SH3KBP1: variants seen among roughly 807,000 people sequenced by gnomAD.
SH3KBP1 encodes the protein SH3 domain-containing kinase-binding protein 1.
Under a neutral mutation model 50.1 loss-of-function variants are expected in SH3KBP1, and 8 were observed. That is an observed-to-expected ratio of 0.16 (90% confidence interval 0.09 to 0.29). The LOEUF (loss-of-function observed/expected upper bound fraction) is 0.29. Among genes scored for constraint, SH3KBP1 ranks in the 10% least tolerant of loss-of-function variants. The pLI is 1.00. For synonymous variants in SH3KBP1, 227 were observed against 218.6 expected, an observed-to-expected ratio of 1.04 and a Z score of -0.34; for missense variants, 377 against 535.2, an observed-to-expected ratio of 0.70 and a Z score of 2.92.
chrX:19,705,192 G>T (rs1211873181), intron 4 of SH3KBP1, among the ~76,000 whole-genome samples: 2 of 111,939 alleles, frequency 1.8e-5, no homozygotes, highest in Non-Finnish European at 3.8e-5. Flanking sequence ...TTCTCCGTCT[G>T]GGATCTGTGT....
chrX:19,826,208 C>G (rs1184309855), intron 2 of SH3KBP1, among the ~76,000 whole-genome samples: 1 of 112,019 alleles, frequency 8.9e-6, no homozygotes, highest in Non-Finnish European at 1.9e-5. Flanking sequence ...ACAGAATTCC[C>G]AAAGGCAGGT....
intron 3 of SH3KBP1, among the ~76,000 whole-genome samples, chrX:19,739,724 G>A (rs1480741773): frequency 1.8e-5 from 2 of 111,112 alleles, no homozygotes; most frequent in Non-Finnish European, 3.8e-5. Flanking sequence ...GTGAGAAGCC[G>A]TGGGTCTGGG....
At chrX:19,741,626 AGTG>A (rs1375945650) in intron 3 of SH3KBP1, among the ~76,000 whole-genome samples, 1 of 112,163 alleles carries the variant, frequency 8.9e-6, no homozygotes, top group East Asian at 2.8e-4. Context: ...AAACCCACGG[AGTG>A]GCTTCACATT....
intron 1 of SH3KBP1, among the ~76,000 whole-genome samples, chrX:19,853,131 T>C (rs2068554598): frequency 8.9e-6 from 1 of 112,625 alleles, no homozygotes; most frequent in Admixed American, 9.4e-5. Flanking sequence ...TCTGTCTCTG[T>C]GTATGTGTGT....
At chrX:19,605,255 C>A (rs1378536238) in intron 9 of SH3KBP1, among the ~76,000 whole-genome samples, 1 of 111,156 alleles carries the variant, frequency 9.0e-6, no homozygotes, top group Non-Finnish European at 1.9e-5. Flanking sequence ...TCTTCAAAAC[C>A]CTACTGCCCA....
At chrX:19,693,186 G>A (rs1029391430) in intron 5 of SH3KBP1, among the ~76,000 whole-genome samples, 3 of 111,689 alleles carry the variant, frequency 2.7e-5, no homozygotes, top group East Asian at 5.6e-4. Context: ...TGCTGAACTC[G>A]GGTTTGCATG....
At chrX:19,808,654 C>T in intron 2 of SH3KBP1, among the ~76,000 whole-genome samples, 1 of 111,618 alleles carries the variant, frequency 9.0e-6, no homozygotes, top group Non-Finnish European at 1.9e-5. Context: ...CCACACTCAG[C>T]CTCCAGCAAT....
chrX:19,738,777 G>A (rs1303603471), intron 3 of SH3KBP1, among the ~76,000 whole-genome samples: 4 of 106,254 alleles, frequency 3.8e-5, no homozygotes, highest in Admixed American at 1.0e-4. Context: ...TTGGGAGGCC[G>A]AGGCTGGGGG....
At chrX:19,831,412 C>CAAAAAAAA (rs1168426297) in intron 2 of SH3KBP1, among the ~76,000 whole-genome samples, 1 of 47,619 alleles carries the variant, frequency 2.1e-5, no homozygotes, top group African/African-American at 7.9e-5. Flanking sequence ...CAACCCATCT[C>CAAAAAAAA]AAAAAAAAAA....
chrX:19,653,224 G>A (rs956438322), intron 6 of SH3KBP1, among the ~76,000 whole-genome samples: 1 of 111,492 alleles, frequency 9.0e-6, no homozygotes, highest in Non-Finnish European at 1.9e-5. Context: ...GGGCTCAAGC[G>A]ATCCTCCTGC....
At chrX:19,673,232 G>C (rs1418793580) in intron 6 of SH3KBP1, among the ~76,000 whole-genome samples, 1 of 111,244 alleles carries the variant, frequency 9.0e-6, no homozygotes, top group Non-Finnish European at 1.9e-5. Flanking sequence ...AAACTAATTA[G>C]AAAGATAAAC....
intron 13 of SH3KBP1, among the ~76,000 whole-genome samples, chrX:19,554,653 C>T (rs753636958): frequency 1.8e-5 from 2 of 110,509 alleles, no homozygotes; most frequent in African/African-American, 6.6e-5. Flanking sequence ...CCACCCACCT[C>T]GGCCTCCCAA....
intron 8 of SH3KBP1, among the ~76,000 whole-genome samples, chrX:19,614,141 G>C (rs2067525488): frequency 8.9e-6 from 1 of 112,890 alleles, no homozygotes; most frequent in Non-Finnish European, 1.9e-5. Context: ...ACTTGGAGGG[G>C]GTCCAAGGGG....
At chrX:19,831,378 C>T (rs1468723570) in intron 2 of SH3KBP1, among the ~76,000 whole-genome samples, 5 of 99,069 alleles carry the variant, frequency 5.0e-5, no homozygotes, top group African/African-American at 2.0e-4. Context: ...CATGCCACTG[C>T]ACTCCAGCCT....
At chrX:19,854,103 T>C (rs2068584764) in intron 1 of SH3KBP1, among the ~76,000 whole-genome samples, 1 of 110,869 alleles carries the variant, frequency 9.0e-6, no homozygotes. Flanking sequence ...ACCTCTCTTC[T>C]AAATGACAAT....
At chrX:19,778,303 C>A (rs1235131032) in intron 2 of SH3KBP1, among the ~76,000 whole-genome samples, 1 of 108,728 alleles carries the variant, frequency 9.2e-6, no homozygotes, top group Non-Finnish European at 1.9e-5. Flanking sequence ...CGATGGCGGG[C>A]GCCTGTAATC....
chrX:19,722,575 T>TGCGCGCGCACTG (rs2064095844), intron 3 of SH3KBP1, among the ~76,000 whole-genome samples: 2 of 92,698 alleles, frequency 2.2e-5, no homozygotes, highest in Admixed American at 1.2e-4. Context: ...CACTGGTGTG[T>TGCGCGCGCACTG]GTGTGTGTGT....
intron 8 of SH3KBP1, among the ~76,000 whole-genome samples, chrX:19,614,630 G>A (rs911559234): frequency 1.8e-5 from 2 of 111,965 alleles, no homozygotes; most frequent in African/African-American, 6.5e-5. Flanking sequence ...GGTTTTTCCA[G>A]TGTGTAGGCT....
chrX:19,682,339 C>T (rs934479986), intron 6 of SH3KBP1, among the ~76,000 whole-genome samples: 4 of 100,439 alleles, frequency 4.0e-5, no homozygotes, highest in African/African-American at 1.6e-4. Context: ...GTCATACACA[C>T]ACACACACAC....
Sources: gnomAD v4.1 joint callset for allele counts (sites outside exome capture counted in the v4.1 genomes callset) on GRCh38, gnomAD v4.1.1 for gene constraint, MANE v1.5 for transcripts, NCBI Gene and HGNC (gene_info 2026-07-23, HGNC 2026-07-21) for gene names.